SEMA5A: variants seen among roughly 807,000 people sequenced by gnomAD.
SEMA5A encodes semaphorin 5A.
SEMA5A carries 55 observed loss-of-function variants against 135.5 expected under a neutral mutation model. The observed-to-expected ratio is 0.41, with a 90% confidence interval of 0.33 to 0.51. The LOEUF (loss-of-function observed/expected upper bound fraction) is 0.51. SEMA5A is among the 20% of genes least tolerant of loss of function. The pLI is 0.37. For synonymous variants in SEMA5A, 580 were observed against 546.5 expected, an observed-to-expected ratio of 1.06 and a Z score of -0.85; for missense variants, 1,290 against 1,419.9, an observed-to-expected ratio of 0.91 and a Z score of 1.47.
intron 1 of SEMA5A, among the ~76,000 whole-genome samples, chr5:9,544,027 T>C (rs1738238983): frequency 6.6e-6 from 1 of 152,198 alleles, no homozygotes; most frequent in South Asian, 2.1e-4. Context: ...ATAATGAAAC[T>C]GGCATTAATT....
At chr5:9,488,724 T>C (rs953184100) in intron 1 of SEMA5A, among the ~76,000 whole-genome samples, 15 of 152,288 alleles carry the variant, frequency 9.8e-5, no homozygotes, top group African/African-American at 3.1e-4. Context: ...CTTGTTATAT[T>C]CTAGAATAAA....
At chr5:9,111,464 C>T (rs1467474493) in intron 15 of SEMA5A, among the ~76,000 whole-genome samples, 5 of 152,170 alleles carry the variant, frequency 3.3e-5, no homozygotes, top group South Asian at 2.1e-4. Context: ...CCTGAAAATG[C>T]TCAGCATGTT....
chr5:9,540,743 G>A (rs564247463), intron 1 of SEMA5A, among the ~76,000 whole-genome samples: 5 of 152,282 alleles, frequency 3.3e-5, no homozygotes, highest in Admixed American at 1.3e-4. Context: ...GGCCTCCGAA[G>A]CGTTCTCTTT....
rs1368000946 is a variant in SEMA5A, at chr5:9,387,780, G to A, written c.-77-7757C>T. Among the ~76,000 whole-genome samples the A allele has an allele frequency of 2.6e-5, 4 of 152,118 alleles. 1 individual carries two copies. The highest frequency in any genetic ancestry group is 1.9e-4 in the East Asian group (1 of 5,196). On this transcript the variant is annotated intron_variant, in intron 2 of 22. Coordinates refer to ENST00000382496, the MANE Select transcript of SEMA5A (RefSeq NM_003966.3). ...GATTCTTCTAATCTTTTTCAAAAAC[G>A]ATAACTGAACATTTTATTATTTGGG...
intron 1 of SEMA5A, among the ~76,000 whole-genome samples, chr5:9,502,983 A>C (rs1735673709): frequency 6.6e-6 from 1 of 152,196 alleles, no homozygotes; most frequent in East Asian, 1.9e-4. Context: ...TACAAGTTTT[A>C]TTTCAGTGAA....
At position 9,276,170 on chromosome 5, in the gene SEMA5A, GACAA is replaced by G. The variant is rs558415092; in HGVS notation, c.271-38284_271-38281del. ...CAAGCATTCCTATACACCAATAACA[GACAA>G]ACAGAGAGCCACATCATGAGTGAAC... On this transcript the variant is annotated intron_variant, in intron 5 of 22. Coordinates refer to ENST00000382496, the MANE Select transcript of SEMA5A (RefSeq NM_003966.3). Among the ~76,000 whole-genome samples the G allele has an allele frequency of 9.3e-3, 1,420 of 152,222 alleles. 27 individuals are homozygous for G. The highest frequency in any genetic ancestry group is 0.033 in the African/African-American group (1,367 of 41,522).
intron 16 of SEMA5A, among the ~76,000 whole-genome samples, chr5:9,079,450 G>A (rs1356633024): frequency 6.6e-6 from 1 of 152,052 alleles, no homozygotes; most frequent in Non-Finnish European, 1.5e-5. Context: ...ATGCCCACAA[G>A]AGAAAGTAGG....
intron 5 of SEMA5A, among the ~76,000 whole-genome samples, chr5:9,269,632 T>G (rs1749864599): frequency 6.6e-6 from 1 of 152,134 alleles, no homozygotes; most frequent in Non-Finnish European, 1.5e-5. Flanking sequence ...AACATTGTAA[T>G]TACAACTGCT....
rs145662481 is a variant in SEMA5A, at chr5:9,423,624, T to C, written c.-78+14132A>G. 5.3e-5 allele frequency among the ~76,000 whole-genome samples: 8 copies of C among 152,368 alleles called. No individual in the cohort carries two copies. In the East Asian group the frequency reaches 5.8e-4, roughly 11 times the overall value. ...ATAGGCCAAATGTATTTCTCTTTGA[T>C]AGAAAATCAAACTTCTAAGCCACTG... On this transcript the variant is annotated intron_variant, in intron 2 of 22. Coordinates refer to ENST00000382496, the MANE Select transcript of SEMA5A (RefSeq NM_003966.3).
rs181577669 is a variant in SEMA5A, at chr5:9,389,403, G to A, written c.-77-9380C>T. ...ATCTAGACTCATACATCAAAATAGG[G>A]GTATTTACATATAAAAGCCAGTGTA... On this transcript the variant is annotated intron_variant, in intron 2 of 22. Coordinates refer to ENST00000382496, the MANE Select transcript of SEMA5A (RefSeq NM_003966.3). Among the ~76,000 whole-genome samples the A allele has an allele frequency of 2.3e-3, 346 of 152,126 alleles. 4 individuals carry two copies. The highest frequency in any genetic ancestry group is 6.5e-4 in the Non-Finnish European group (44 of 67,990).
chr5:9,425,869 A>G (rs893105844), intron 2 of SEMA5A, among the ~76,000 whole-genome samples: 11 of 152,212 alleles, frequency 7.2e-5, no homozygotes, highest in African/African-American at 1.4e-4. Context: ...TGCTGCATTA[A>G]GAAGTTATAT....
intron 5 of SEMA5A, among the ~76,000 whole-genome samples, chr5:9,276,198 A>G (rs1750253329): frequency 4.6e-5 from 7 of 152,134 alleles, no homozygotes; most frequent in Admixed American, 4.6e-4. Context: ...TCATGAGTGA[A>G]CTCCCATTCA....
intron 13 of SEMA5A, among the ~76,000 whole-genome samples, chr5:9,129,660 C>T (rs1741301189): frequency 1.3e-5 from 2 of 152,162 alleles, no homozygotes; most frequent in African/African-American, 4.8e-5. Context: ...GTTGTGCTAT[C>T]TTCCAGATTT....
chr5:9,199,700 T>C (rs1321125288), intron 9 of SEMA5A, among the ~76,000 whole-genome samples: 1 of 152,220 alleles, frequency 6.6e-6, no homozygotes, highest in Non-Finnish European at 1.5e-5. Flanking sequence ...TTTATATCCA[T>C]ATCTATACAT....
intron 5 of SEMA5A, among the ~76,000 whole-genome samples, chr5:9,252,075 G>C (rs1451589842): frequency 6.6e-6 from 1 of 152,172 alleles, no homozygotes; most frequent in Non-Finnish European, 1.5e-5. Flanking sequence ...GGATCTCCCA[G>C]ATTCCTAATT....
intron 16 of SEMA5A, among the ~76,000 whole-genome samples, chr5:9,070,727 T>C (rs1408465049): frequency 1.3e-5 from 2 of 152,256 alleles, no homozygotes; most frequent in African/African-American, 2.4e-5. Flanking sequence ...TCTGTTCTTA[T>C]GTTCTTATTT....
chr5:9,307,638 CTTAT>C (rs1030678230), intron 5 of SEMA5A, among the ~76,000 whole-genome samples: 1 of 151,970 alleles, frequency 6.6e-6, no homozygotes, highest in African/African-American at 2.4e-5. Context: ...GGTATGTTGG[CTTAT>C]TTATTTTTGT....
At chr5:9,500,101 T>C (rs762317190) in intron 1 of SEMA5A, among the ~76,000 whole-genome samples, 48 of 152,194 alleles carry the variant, frequency 3.2e-4, no homozygotes, top group Admixed American at 5.9e-4. Context: ...TAAGAAGAAA[T>C]GGCTATGCAA....
In SEMA5A at chr5:9,041,116, C is replaced by T. The variant is rs1735943671; in HGVS notation, c.*1781G>A. On this transcript the variant is annotated 3_prime_UTR_variant, in exon 23 of 23. Transcript: ENST00000382496. The stretch of plus-strand genomic sequence containing the variant: ...CATTAATCCAAAATAACTTACAGAG[C>T]CCACCTGCCATTTCAATACTGTGTC... The T allele has an allele frequency of 6.6e-6, 1 of 152,190 alleles. No individual in the cohort carries two copies. Among genetic ancestry groups the T allele is most frequent in the African/African-American group, 2.4e-5 (1 of 41,440 alleles). 9.4% of individuals were successfully genotyped at this position (152,190 alleles called of 1,614,324 possible). A position where few individuals can be genotyped will look rare whatever the true frequency, so the allele number is the denominator to read the frequency against.
Sources: gnomAD v4.1 joint callset for allele counts (sites outside exome capture counted in the v4.1 genomes callset) on GRCh38, gnomAD v4.1.1 for gene constraint, MANE v1.5 for transcripts, NCBI Gene and HGNC (gene_info 2026-07-23, HGNC 2026-07-21) for gene names.